The following ITGA11 variants were observed in gnomAD, a reference collection of about 807,000 sequenced individuals.
The protein encoded by ITGA11 is integrin subunit alpha 11, also known as integrin alpha-11.
In ITGA11, 97 loss-of-function variants were observed where a neutral mutation model predicts 141.9. The observed-to-expected ratio is 0.68, with a 90% CI of 0.58 to 0.81. The LOEUF is 0.81. Among genes scored for constraint, ITGA11 ranks in the 30% least tolerant of loss-of-function variants. ITGA11 has a pLI of 0.00. For synonymous variants in ITGA11, 658 were observed against 624.6 expected (o/e 1.05, Z -0.80); for missense variants, 1,387 against 1,559.2 (o/e 0.89, Z 1.86).
chr15:68,332,138 T>C lies in ITGA11; in HGVS notation c.1567-76A>G, dbSNP rs1056647129. 2.9e-4 allele frequency: 383 copies of C among 1,342,576 alleles called. 2 individuals are homozygous for C. The highest frequency in any genetic ancestry group is 3.6e-4 in the Middle Eastern group (2 of 5,554). 83.2% of individuals were successfully genotyped at this position (1,342,576 alleles called of 1,614,324 possible). A position where few individuals can be genotyped will look rare whatever the true frequency, so the allele number is the denominator to read the frequency against. ...CAGGCTCATAATTCCCTCTGCAGGC[T>C]GCTCCGGCATCCTCTCACCACTCCA... On this transcript the variant is annotated intron_variant, in intron 13 of 29. Transcript: ENST00000315757.
rs188489151 is a variant in ITGA11, at chr15:68,334,041, C to T, written c.1426-1563G>A. ...CTTCCTGTTAGAAGCTATCCTTGAC[C>T]TTCTCCACTCTGCTCCCTGCCCCTT... On this transcript the variant is annotated intron_variant, in intron 12 of 29. Coordinates refer to ENST00000315757, the MANE Select transcript of ITGA11 (RefSeq NM_001004439.2). Among the ~76,000 whole-genome samples, 136 of 152,342 alleles carry T rather than the reference C, an allele frequency of 8.9e-4. 1 individual carries two copies. The highest frequency in any genetic ancestry group is 3.1e-3 in the African/African-American group (127 of 41,576).
rs539208689 is a variant in ITGA11 at position 68,311,196 on chromosome 15, G to A, written c.3087+94C>T. On this transcript the variant is annotated intron_variant, in intron 25 of 29. Coordinates refer to ENST00000315757, the MANE Select transcript of ITGA11 (RefSeq NM_001004439.2). ...CCTCTAGCCGTGGTCCTGGGAGAAG[G>A]GAGCTGGGGTCTGGGAACCTGGGGA... The A allele has an allele frequency of 5.6e-6, 7 of 1,260,442 alleles. No homozygotes were observed. In the East Asian group the frequency reaches 1.0e-4, roughly 18 times the overall value. 78.1% of individuals were successfully genotyped at this position (1,260,442 alleles called of 1,614,324 possible).
At chr15:68,413,130 G>C (rs72745273) in intron 1 of ITGA11, among the ~76,000 whole-genome samples, 4 of 152,274 alleles carry the variant, frequency 2.6e-5, no homozygotes, top group Non-Finnish European at 1.5e-5. Flanking sequence ...TTAGGACTAG[G>C]GGGTAGGGAG....
Position 68,310,830 on chromosome 15 carries a change from C to A in ITGA11, c.3174+164G>T, listed in dbSNP as rs62003791. On this transcript the variant is annotated intron_variant, in intron 26 of 29. Coordinates refer to ENST00000315757, the MANE Select transcript of ITGA11 (RefSeq NM_001004439.2). ...GGGGGACTCACACAGGCCAAGAAGT[C>A]TTTTCCTCCTTCAGTTTTTTTCTTG... Among the ~76,000 whole-genome samples the A allele has an allele frequency of 2.0e-3, 298 of 152,348 alleles. 1 individual carries two copies. Among genetic ancestry groups the A allele is most frequent in the Non-Finnish European group, 2.5e-3 (168 of 68,032 alleles).
At chr15:68,430,126 C>A (rs559473004) in intron 1 of ITGA11, among the ~76,000 whole-genome samples, 1 of 152,328 alleles carries the variant, frequency 6.6e-6, no homozygotes, top group Admixed American at 6.5e-5. Flanking sequence ...TCCCATATTT[C>A]AAGAATGCAA....
intron 2 of ITGA11, among the ~76,000 whole-genome samples, chr15:68,372,148 A>G (rs1895607626): frequency 6.6e-6 from 1 of 152,114 alleles, no homozygotes; most frequent in Admixed American, 6.5e-5. Flanking sequence ...TGCCATGAAG[A>G]GAGGGCCTGG....
intron 2 of ITGA11, among the ~76,000 whole-genome samples, chr15:68,400,629 AAAT>A (rs1474593624): frequency 7.5e-5 from 6 of 80,166 alleles, no homozygotes; most frequent in Non-Finnish European, 1.1e-4. Context: ...ATTATATAAT[AAAT>A]ATTATAATAT....
Position 68,406,357 on chromosome 15 carries a change from C to G in ITGA11, c.53-3328G>C, listed in dbSNP as rs116234289. The stretch of plus-strand genomic sequence containing the variant: ...CCCCATTAATTTCTACCCTCTCCTC[C>G]TCCTCTCCTCCAGCCATACTGACCC... On this transcript the variant is annotated intron_variant, in intron 1 of 29. Transcript: ENST00000315757. 8.5e-3 allele frequency among the ~76,000 whole-genome samples: 1,287 copies of G among 152,226 alleles called. 16 individuals are homozygous for G. Among genetic ancestry groups the G allele is most frequent in the African/African-American group, 0.029 (1,184 of 41,522 alleles).
intron 3 of ITGA11, among the ~76,000 whole-genome samples, chr15:68,368,843 GAA>G (rs1895502605): frequency 1.4e-5 from 2 of 145,886 alleles, no homozygotes; most frequent in Non-Finnish European, 3.0e-5. Context: ...TCAAAATCAG[GAA>G]AAAGACAGGA....
intron 7 of ITGA11, among the ~76,000 whole-genome samples, chr15:68,353,874 G>T (rs927258610): frequency 1.3e-5 from 2 of 151,994 alleles, no homozygotes; most frequent in African/African-American, 4.8e-5. Flanking sequence ...AATCTGGCCC[G>T]TTTCCTCTCT....
Position 68,310,984 on chromosome 15 carries a change from G to A in ITGA11, c.3174+10C>T. 4 of 1,592,212 alleles carry A rather than the reference G, an allele frequency of 2.5e-6. No homozygotes were observed. The highest frequency in any genetic ancestry group is 3.4e-6 in the Non-Finnish European group (4 of 1,168,134). Reference sequence around the variant, plus strand: ...CAACCACTGTGGCTCTCGGTCTGGGGGACACTCACCAGCTGTGGAGCACGA... The same window carrying A: ...CAACCACTGTGGCTCTCGGTCTGGGAGACACTCACCAGCTGTGGAGCACGA... On this transcript the variant is annotated intron_variant, in intron 26 of 29. Coordinates refer to ENST00000315757, the MANE Select transcript of ITGA11 (RefSeq NM_001004439.2).
chr15:68,422,410 TC>T (rs1194357286), intron 1 of ITGA11, among the ~76,000 whole-genome samples: 12 of 152,116 alleles, frequency 7.9e-5, no homozygotes, highest in African/African-American at 2.4e-4. Flanking sequence ...CCTGTTAAAT[TC>T]TATCCCCCTG....
Position 68,432,113 on chromosome 15 carries a change from G to T in ITGA11, c.-47C>A. ...GTCCGGTGTGCAGCGGCGGCGGGGG[G>T]CGGCAAGCCAGAGCGGCAGCCTCCT... On this transcript the variant is annotated 5_prime_UTR_variant, in exon 1 of 30. Transcript: ENST00000315757. The T allele has an allele frequency of 7.5e-7, 1 of 1,336,224 alleles. No homozygotes were observed. Among genetic ancestry groups the T allele is most frequent in the Non-Finnish European group, 9.6e-7 (1 of 1,042,090 alleles). 82.8% of individuals were successfully genotyped at this position (1,336,224 alleles called of 1,614,324 possible).
intron 11 of ITGA11, among the ~76,000 whole-genome samples, chr15:68,336,494 G>T (rs1454307077): frequency 6.6e-6 from 1 of 152,154 alleles, no homozygotes; most frequent in Non-Finnish European, 1.5e-5. Flanking sequence ...AACCCCAGGG[G>T]CTCTTTTGGA....
intron 10 of ITGA11, among the ~76,000 whole-genome samples, chr15:68,344,565 C>T (rs1894682686): frequency 6.6e-6 from 1 of 152,014 alleles, no homozygotes. Flanking sequence ...GATGTTTATA[C>T]CTCCAGAGGG....
At chr15:68,319,979 G>A (rs1893738609) in intron 20 of ITGA11, among the ~76,000 whole-genome samples, 1 of 151,890 alleles carries the variant, frequency 6.6e-6, no homozygotes, top group African/African-American at 2.4e-5. Flanking sequence ...TTGTAGAGAT[G>A]GGGTCTCACT....
At chr15:68,427,766 G>A (rs1236484954) in intron 1 of ITGA11, among the ~76,000 whole-genome samples, 2 of 152,148 alleles carry the variant, frequency 1.3e-5, no homozygotes, top group Non-Finnish European at 2.9e-5. Flanking sequence ...GCATGATGGG[G>A]TTGTGGAGGG....
Position 68,307,536 on chromosome 15 carries a change from C to T in ITGA11, c.3285+50G>A. The T allele has an allele frequency of 6.6e-7, 1 of 1,525,248 alleles. No homozygotes were observed. Among genetic ancestry groups the T allele is most frequent in the Non-Finnish European group, 9.0e-7 (1 of 1,114,228 alleles). The allele number at this position is 1,525,248 out of a possible 1,614,324, so 94.5% of individuals were successfully genotyped here. A position where few individuals can be genotyped will look rare whatever the true frequency, so the allele number is the denominator to read the frequency against. On this transcript the variant is annotated intron_variant, in intron 27 of 29. Transcript: ENST00000315757. The surrounding 1 kb of genome is among the most constrained non-coding windows in gnomAD (Gnocchi z 6.1). ...CCCCAGGTGGAAGACATCCCAACAG[C>T]CGCCCCCTTTCCCTTCTTCCTTCCA...
Position 68,322,950 on chromosome 15 carries a change from C to A in ITGA11, c.2323-1447G>T, listed in dbSNP as rs1222907545. ...GCCTGTGGCCCACCCAGGGCGAGGA[C>A]CTCAGCAGGCAGATGGATATTCAAG... On this transcript the variant is annotated intron_variant, in intron 18 of 29. Coordinates refer to ENST00000315757, the MANE Select transcript of ITGA11 (RefSeq NM_001004439.2). The surrounding 1 kb of genome is among the most constrained non-coding windows in gnomAD (Gnocchi z 5.6). Among the ~76,000 whole-genome samples, 1 of 152,120 alleles carries A rather than the reference C, an allele frequency of 6.6e-6. No homozygotes were observed. The highest frequency in any genetic ancestry group is 1.5e-5 in the Non-Finnish European group (1 of 68,032).
Sources: gnomAD v4.1 joint callset for allele counts (sites outside exome capture counted in the v4.1 genomes callset) on GRCh38, gnomAD v4.1.1 for gene constraint, Gnocchi (gnomAD v3.1) non-coding constraint, MANE v1.5 for transcripts, NCBI Gene and HGNC (gene_info 2026-07-23, HGNC 2026-07-21) for gene names.